ADCY8: variants seen among roughly 807,000 people sequenced by gnomAD.
ADCY8 encodes adenylate cyclase 8, also known as adenylate cyclase type 8.
A neutral mutation model predicts 119.7 loss-of-function variants in ADCY8; 51 were observed. That is an observed-to-expected ratio of 0.43 (90% confidence interval 0.34 to 0.54). ADCY8 has a LOEUF of 0.54. Ranked by LOEUF, ADCY8 falls within the 20% of genes least tolerant of loss-of-function variation. The probability of loss-of-function intolerance (pLI) is 0.03; values close to 1 mark genes in which losing one functional copy is unlikely to be tolerated. For synonymous variants in ADCY8, 665 were observed against 651.0 expected (o/e 1.02, Z -0.33); for missense variants, 1,383 against 1,598.8 (o/e 0.87, Z 2.30).
chr8:131,026,151 G>A (rs1373033995), intron 1 of ADCY8, among the ~76,000 whole-genome samples: 2 of 152,296 alleles, frequency 1.3e-5, no homozygotes, highest in South Asian at 2.1e-4. Context: ...CTAACCCTAA[G>A]GTGATGGAAT....
intron 1 of ADCY8, among the ~76,000 whole-genome samples, chr8:131,009,717 G>A (rs1411187): frequency 0.61 from 92,473 of 152,192 alleles, 30,048 homozygotes; most frequent in African/African-American, 0.84. Flanking sequence ...AGTAGAATCT[G>A]TAGATGGTAG....
intron 5 of ADCY8, among the ~76,000 whole-genome samples, chr8:130,920,774 G>A (rs1271437203): frequency 2.0e-5 from 3 of 152,228 alleles, no homozygotes; most frequent in Non-Finnish European, 4.4e-5. Context: ...AGTAGACTGA[G>A]TAAATCAGAT....
chr8:130,827,423 C>T (rs1261345860), intron 12 of ADCY8, among the ~76,000 whole-genome samples: 1 of 152,176 alleles, frequency 6.6e-6, no homozygotes, highest in African/African-American at 2.4e-5. Context: ...TAGGGTGGGG[C>T]AGCCAGCTTT....
intron 1 of ADCY8, among the ~76,000 whole-genome samples, chr8:131,024,249 A>G (rs1823759303): frequency 6.6e-6 from 1 of 151,910 alleles, no homozygotes; most frequent in Non-Finnish European, 1.5e-5. Flanking sequence ...ACATCATCAG[A>G]CACAACTGTG....
chr8:130,905,292 G>A (rs2130535957), intron 6 of ADCY8, among the ~76,000 whole-genome samples: 1 of 152,262 alleles, frequency 6.6e-6, no homozygotes, highest in Middle Eastern at 3.4e-3. Flanking sequence ...AGGCCTCCAA[G>A]CTTTCATTCT....
chr8:130,799,453 G>C (rs1240878248), intron 15 of ADCY8, among the ~76,000 whole-genome samples: 1 of 152,208 alleles, frequency 6.6e-6, no homozygotes, highest in Non-Finnish European at 1.5e-5. Flanking sequence ...TGAATGTAGG[G>C]ATGGAGGGAC....
intron 7 of ADCY8, among the ~76,000 whole-genome samples, chr8:130,886,389 G>A (rs995393775): frequency 6.6e-6 from 1 of 152,100 alleles, no homozygotes; most frequent in African/African-American, 2.4e-5. Flanking sequence ...AGACAAGGAG[G>A]CCAGAACCAA....
chr8:130,886,749 C>T (rs76549513), intron 7 of ADCY8, among the ~76,000 whole-genome samples: 11,846 of 152,142 alleles, frequency 0.078, 514 homozygotes, highest in Non-Finnish European at 0.1. Flanking sequence ...AGTTAGGCAT[C>T]TCTCACTGTC....
intron 1 of ADCY8, among the ~76,000 whole-genome samples, chr8:131,017,018 C>T (rs71524504): frequency 0.024 from 3,702 of 151,748 alleles, 48 homozygotes; most frequent in East Asian, 0.057. Flanking sequence ...TAGAAGGTGA[C>T]TTTGGTGGCC....
chr8:131,037,375 A>G (rs1426042830), intron 1 of ADCY8, among the ~76,000 whole-genome samples: 2 of 152,200 alleles, frequency 1.3e-5, no homozygotes, highest in African/African-American at 2.4e-5. Flanking sequence ...TAAAACAAAT[A>G]TGGAGCCAAA....
At chr8:130,796,545 G>GC (rs2130094232) in intron 15 of ADCY8, among the ~76,000 whole-genome samples, 1 of 152,202 alleles carries the variant, frequency 6.6e-6, no homozygotes, top group East Asian at 1.9e-4. Flanking sequence ...AAAGTGAACA[G>GC]CAGGGGTCTG....
At chr8:130,854,526 C>T (rs1439794596) in intron 9 of ADCY8, among the ~76,000 whole-genome samples, 4 of 152,170 alleles carry the variant, frequency 2.6e-5, no homozygotes, top group Non-Finnish European at 4.4e-5. Flanking sequence ...TTAGAATCTA[C>T]AGACTCTATG....
At chr8:130,783,614 G>C in intron 17 of ADCY8, 77 bp downstream of exon 17, 1 of 1,019,594 alleles carries the variant, frequency 9.8e-7, no homozygotes, top group South Asian at 1.5e-5. Flanking sequence ...TTCCTGGATT[G>C]ATGCCCAAGG....
intron 1 of ADCY8, among the ~76,000 whole-genome samples, chr8:130,994,430 A>G (rs1174856866): frequency 6.6e-6 from 1 of 152,224 alleles, no homozygotes; most frequent in Admixed American, 6.5e-5. Context: ...AGCAGAATTC[A>G]TGTTGCTCTG....
At chr8:130,996,540 T>C (rs547960494) in intron 1 of ADCY8, among the ~76,000 whole-genome samples, 1 of 152,006 alleles carries the variant, frequency 6.6e-6, no homozygotes, top group African/African-American at 2.4e-5. Context: ...ACAATAAAAA[T>C]TGTAAAAAGT....
At chr8:130,783,668 C>T (rs1815159633) in intron 17 of ADCY8, 23 bp downstream of exon 17, 3 of 1,573,158 alleles carry the variant, frequency 1.9e-6, no homozygotes, top group South Asian at 1.1e-5. Flanking sequence ...CTCTATCAGG[C>T]CCCACCTGCA....
intron 15 of ADCY8, among the ~76,000 whole-genome samples, chr8:130,792,832 C>G (rs1010725317): frequency 5.3e-5 from 8 of 152,210 alleles, no homozygotes; most frequent in Admixed American, 5.2e-4. Context: ...ACCCTCGTAG[C>G]CATCCCCATC....
intron 5 of ADCY8, among the ~76,000 whole-genome samples, chr8:130,933,094 A>G (rs1820682338): frequency 6.6e-6 from 1 of 152,228 alleles, no homozygotes; most frequent in African/African-American, 2.4e-5. Context: ...TGCCAGAAAT[A>G]GGGACAAGGA....
At chr8:130,860,474 C>T (rs1000789472) in intron 9 of ADCY8, among the ~76,000 whole-genome samples, 1 of 152,018 alleles carries the variant, frequency 6.6e-6, no homozygotes, top group African/African-American at 2.4e-5. Context: ...AAACTCATCA[C>T]CAAATTCAAA....
Sources: gnomAD v4.1 joint callset for allele counts (sites outside exome capture counted in the v4.1 genomes callset) on GRCh38, gnomAD v4.1.1 for gene constraint, MANE v1.5 for transcripts, NCBI Gene and HGNC (gene_info 2026-07-23, HGNC 2026-07-21) for gene names.